PHF14: variants seen among roughly 807,000 people sequenced by gnomAD.
The protein encoded by PHF14 is PHD finger protein 14.
A neutral mutation model predicts 117.9 loss-of-function variants in PHF14; 55 were observed. The ratio of observed to expected loss-of-function variants is 0.47; its 90% CI spans 0.38 to 0.58. The LOEUF is 0.58. Ranked by LOEUF, PHF14 falls within the 20% of genes least tolerant of loss-of-function variation. PHF14 has a pLI of 0.00. For missense variants in PHF14, 978 were observed against 1,122.2 expected (o/e 0.87, Z 1.84); for synonymous variants, 409 against 368.6 (o/e 1.11, Z -1.26).
At chr7:11,058,935 T>C in intron 14 of PHF14, among the ~76,000 whole-genome samples, 1 of 152,218 alleles carries the variant, frequency 6.6e-6, no homozygotes, top group African/African-American at 2.4e-5. Context: ...ATTTTTATAA[T>C]AAGTTTATTT....
chr7:11,140,762 T>C (rs1788376822), intron 17 of PHF14, among the ~76,000 whole-genome samples: 1 of 152,114 alleles, frequency 6.6e-6, no homozygotes, highest in African/African-American at 2.4e-5. Context: ...TATGATAAAA[T>C]AAAGAGCTTT....
At chr7:10,985,638 G>GTTA (rs1782194118) in intron 3 of PHF14, among the ~76,000 whole-genome samples, 1 of 45,936 alleles carries the variant, frequency 2.2e-5, no homozygotes. Context: ...TTCTCAAACT[G>GTTA]TTTTTTTTTT....
At chr7:11,134,689 C>G (rs1788170117) in intron 17 of PHF14, among the ~76,000 whole-genome samples, 1 of 152,046 alleles carries the variant, frequency 6.6e-6, no homozygotes, top group South Asian at 2.1e-4. Flanking sequence ...TTTCTGCCAT[C>G]ATTTATTGGT....
rs1316732849 is a variant in PHF14 at position 11,038,805 on chromosome 7, C to G, written c.2026C>G (p.Arg676Gly). The change falls in exon 11 of 18, where the codon CGA (arginine) becomes GGA (glycine). Residue 676 changes from arginine to glycine, a missense_variant. Transcript: ENST00000634607. Reference protein sequence around the residue: ...EELQNLNGKLRSEGQGIWALL... With the variant: ...EELQNLNGKLGSEGQGIWALL... Reference sequence around the variant, plus strand: ...ACTACAAAACCTGAATGGAAAACTTCGAAGTGAAGGACAAGGAATATGGGC... The same window carrying G: ...ACTACAAAACCTGAATGGAAAACTTGGAAGTGAAGGACAAGGAATATGGGC... The G allele has an allele frequency of 6.3e-6, 10 of 1,598,786 alleles. No individual in the cohort carries two copies. Among genetic ancestry groups the G allele is most frequent in the Non-Finnish European group, 8.5e-6 (10 of 1,171,122 alleles).
intron 7 of PHF14, 33 bp downstream of exon 7, chr7:11,028,851 T>C: frequency 6.3e-7 from 1 of 1,588,988 alleles, no homozygotes; most frequent in Non-Finnish European, 8.6e-7. Flanking sequence ...TTGGTGAACA[T>C]GTTCACAAGA....
In PHF14 at chr7:11,022,989, A is replaced by G; in HGVS notation, c.1317+10A>G. Reference sequence around the variant, plus strand: ...CAAATATGGTGCCAAGGTGAGACACAAAGCATTTTTGATTGCTTGAAAGAG... The same window carrying G: ...CAAATATGGTGCCAAGGTGAGACACGAAGCATTTTTGATTGCTTGAAAGAG... On this transcript the variant is annotated intron_variant, in intron 6 of 17. Transcript: ENST00000634607. 6.7e-7 allele frequency: 1 copy of G among 1,489,980 alleles called. No homozygotes were observed. The highest frequency in any genetic ancestry group is 9.3e-7 in the Non-Finnish European group (1 of 1,078,166). 92.3% of individuals were successfully genotyped at this position (1,489,980 alleles called of 1,614,324 possible).
In PHF14 at chr7:10,986,000, G is replaced by C. The variant is rs531786302; in HGVS notation, c.900+2841G>C. On this transcript the variant is annotated intron_variant, in intron 3 of 17. Transcript: ENST00000634607. The stretch of plus-strand genomic sequence containing the variant: ...TTTATTTTTTTTGAGACAGATTCTC[G>C]CTTTGTTTCCTGGACTGGGGTGCAG... Among the ~76,000 whole-genome samples, 96 of 151,770 alleles carry C rather than the reference G, an allele frequency of 6.3e-4. 1 individual carries two copies. Among genetic ancestry groups the C allele is most frequent in the South Asian group, 1.9e-3 (9 of 4,798 alleles).
At chr7:11,055,653 A>G (rs754431759) in intron 14 of PHF14, among the ~76,000 whole-genome samples, 19 of 152,188 alleles carry the variant, frequency 1.2e-4, no homozygotes, top group Non-Finnish European at 2.4e-4. Context: ...CATCGCACTT[A>G]ACAATGTGAG....
chr7:11,130,572 A>G lies in PHF14; in HGVS notation c.2772+19105A>G, dbSNP rs1174546309. On this transcript the variant is annotated intron_variant, in intron 17 of 17. Transcript: ENST00000634607. This position sits in a 1 kb window ranked among gnomAD's most constrained non-coding sequence, Gnocchi z 4.2. ...GGAGTTAAAACTACAGATTTCCCATATGCCCCCTCATCCCTTCCTCCTTCC... is the reference window on the plus strand; with the variant it reads ...GGAGTTAAAACTACAGATTTCCCATGTGCCCCCTCATCCCTTCCTCCTTCC... Among the ~76,000 whole-genome samples the G allele has an allele frequency of 6.6e-6, 1 of 151,790 alleles. No homozygotes were observed. The highest frequency in any genetic ancestry group is 2.4e-5 in the African/African-American group (1 of 41,362).
intron 16 of PHF14, among the ~76,000 whole-genome samples, chr7:11,099,783 C>G (rs575940729): frequency 6.6e-6 from 1 of 152,074 alleles, no homozygotes; most frequent in South Asian, 2.1e-4. Context: ...ACTTTTATAA[C>G]TGAGAGATTT....
intron 16 of PHF14, among the ~76,000 whole-genome samples, chr7:11,072,260 T>C (rs915044743): frequency 3.9e-5 from 6 of 152,094 alleles, no homozygotes; most frequent in African/African-American, 1.4e-4. Context: ...AGATGCTGTA[T>C]ACTTTTAAAC....
At position 10,974,075 on chromosome 7, in the gene PHF14, GTCT is replaced by G; in HGVS notation, c.-245_-243del. ...GTTGACTGCGCTGCCTGGGCCGGAG[GTCT>G]TCTCCGGCCAGGGAGCGCTGTGGGA... On this transcript the variant is annotated 5_prime_UTR_variant, in exon 1 of 18. Coordinates refer to ENST00000634607, the MANE Select transcript of PHF14 (RefSeq NM_001007157.2). 8.3e-6 allele frequency: 4 copies of G among 479,970 alleles called. No individual in the cohort carries two copies. Among genetic ancestry groups the G allele is most frequent in the Non-Finnish European group, 1.5e-5 (4 of 265,130 alleles). 29.7% of individuals were successfully genotyped at this position (479,970 alleles called of 1,614,324 possible).
chr7:11,022,957 A>G lies in PHF14; in HGVS notation c.1295A>G (p.Asn432Ser), dbSNP rs984685706. 6.2e-7 allele frequency: 1 copy of G among 1,602,708 alleles called. No individual in the cohort carries two copies. Among genetic ancestry groups the G allele is most frequent in the Non-Finnish European group, 8.5e-7 (1 of 1,171,628 alleles). ...KLRPVTLTEM[N>S]YSKYGAKECS... ...CGACCAGTAACACTAACGGAAATGA[A>G]CTATTCCAAATATGGTGCCAAGGTG... Residue 432 changes from asparagine to serine, a missense_variant, in exon 6 of 18, where the codon AAC becomes AGC. Transcript: ENST00000634607.
At chr7:11,043,682 T>C (rs1178561221) in intron 13 of PHF14, among the ~76,000 whole-genome samples, 1 of 152,176 alleles carries the variant, frequency 6.6e-6, no homozygotes, top group Non-Finnish European at 1.5e-5. Context: ...TTTTATAGTG[T>C]TCTTTGTATC....
chr7:11,084,454 C>G (rs1390880492), intron 16 of PHF14, among the ~76,000 whole-genome samples: 1 of 151,214 alleles, frequency 6.6e-6, no homozygotes, highest in Non-Finnish European at 1.5e-5. Flanking sequence ...GTGGCCTCCT[C>G]TTTTCATTCC....
At chr7:11,059,644 C>T (rs1785142118) in intron 14 of PHF14, among the ~76,000 whole-genome samples, 1 of 151,838 alleles carries the variant, frequency 6.6e-6, no homozygotes, top group African/African-American at 2.4e-5. Context: ...TGTGGTGGTG[C>T]ACACCTGTAA....
intron 17 of PHF14, among the ~76,000 whole-genome samples, chr7:11,122,352 T>TATATATATAC: frequency 1.1e-4 from 7 of 65,858 alleles, no homozygotes; most frequent in African/African-American, 5.1e-4. Flanking sequence ...TATATATATA[T>TATATATATAC]ACACACACAC....
intron 16 of PHF14, chr7:11,063,145 A>T (rs1463273536): frequency 1.0e-6 from 1 of 958,868 alleles, no homozygotes; most frequent in Non-Finnish European, 1.2e-6. Flanking sequence ...TGAGAAAGAT[A>T]AAGTAAAAAT....
rs1404818077 is a variant in PHF14 at position 11,047,083 on chromosome 7, T to G, written c.2312+4269T>G. 2.0e-5 allele frequency among the ~76,000 whole-genome samples: 3 copies of G among 152,224 alleles called. No individual in the cohort carries two copies. The East Asian group carries it at 5.8e-4, about 29-fold the overall frequency. ...AGTCCACTTTCTTTTTTTTTTCTTT[T>G]TTTGAGATGGAGTCTCGCTCTGTCA... On this transcript the variant is annotated intron_variant, in intron 13 of 17. Transcript: ENST00000634607.
Sources: gnomAD v4.1 joint callset for allele counts (sites outside exome capture counted in the v4.1 genomes callset) on GRCh38, gnomAD v4.1.1 for gene constraint, Gnocchi (gnomAD v3.1) non-coding constraint, MANE v1.5 for transcripts, NCBI Gene and HGNC (gene_info 2026-07-23, HGNC 2026-07-21) for gene names.